The following FGFR2 variants were observed in gnomAD, a reference collection of about 807,000 sequenced individuals.
FGFR2 encodes fibroblast growth factor receptor 2.
A neutral mutation model predicts 95.9 loss-of-function variants in FGFR2; 19 were observed. The ratio of observed to expected loss-of-function variants is 0.20; its 90% CI spans 0.14 to 0.29. The LOEUF (loss-of-function observed/expected upper bound fraction) is 0.29. FGFR2 is among the 10% of genes least tolerant of loss of function. FGFR2 has a pLI of 1.00. For missense variants in FGFR2, 707 were observed against 1,056.9 expected, an observed-to-expected ratio of 0.67 and a Z score of 4.59; for synonymous variants, 392 against 393.3, an observed-to-expected ratio of 1.00 and a Z score of 0.04.
At chr10:121,561,864 T>A (rs1857029953) in intron 4 of FGFR2, among the ~76,000 whole-genome samples, 1 of 152,146 alleles carries the variant, frequency 6.6e-6, no homozygotes, top group Admixed American at 6.5e-5. Context: ...AACAACCTAA[T>A]TAAAAAATGG....
At chr10:121,594,702 T>C (rs1199610062) in intron 1 of FGFR2, among the ~76,000 whole-genome samples, 1 of 152,238 alleles carries the variant, frequency 6.6e-6, no homozygotes, top group Admixed American at 6.5e-5. Flanking sequence ...TCCCTTCCCC[T>C]GTGACTAAAT....
At chr10:121,515,048 G>C in intron 9 of FGFR2, 69 bp downstream of exon 9, 1 of 1,464,390 alleles carries the variant, frequency 6.8e-7, no homozygotes, top group Non-Finnish European at 9.5e-7. Context: ...TCAAAGCAGA[G>C]GACAAGATCC....
intron 5 of FGFR2, among the ~76,000 whole-genome samples, chr10:121,542,004 GGAGA>G (rs1853833971): frequency 6.6e-6 from 1 of 152,218 alleles, no homozygotes; most frequent in Non-Finnish European, 1.5e-5. Flanking sequence ...AAACTGTCAA[GGAGA>G]GAGACATTAA....
At position 121,524,099 on chromosome 10, in the gene FGFR2, T is replaced by TACACACAC. The variant is rs1491543645; in HGVS notation, c.749-3931_749-3930insGTGTGTGT. Among the ~76,000 whole-genome samples the TACACACAC allele has an allele frequency of 5.8e-4, 79 of 137,248 alleles. No individual in the cohort carries two copies. In the Middle Eastern group the frequency reaches 0.011, roughly 19 times the overall value. The allele number at this position is 137,248 out of a possible 152,430, so 90.0% of individuals were successfully genotyped here. The stretch of plus-strand genomic sequence containing the variant: ...TTATTCCAATGCTATCCCGGCTATG[T>TACACACAC]ATACACACACACACACACACACACA... On this transcript the variant is annotated intron_variant, in intron 6 of 17. Transcript: ENST00000358487.
At chr10:121,574,331 C>A (rs951875852) in intron 2 of FGFR2, among the ~76,000 whole-genome samples, 4 of 152,000 alleles carry the variant, frequency 2.6e-5, no homozygotes, top group African/African-American at 9.7e-5. Context: ...GAGTTCGAGA[C>A]CGGCCTGGCC....
At chr10:121,515,738 T>C (rs1412971210) in intron 8 of FGFR2, among the ~76,000 whole-genome samples, 5 of 151,640 alleles carry the variant, frequency 3.3e-5, no homozygotes, top group East Asian at 1.9e-4. Context: ...ACAGTGACAA[T>C]GCTTCAGTCT....
chr10:121,543,604 T>A (rs1211945936), intron 5 of FGFR2, among the ~76,000 whole-genome samples: 3 of 152,214 alleles, frequency 2.0e-5, no homozygotes, highest in Non-Finnish European at 4.4e-5. Flanking sequence ...AAGCCATCCT[T>A]TCTGAAAGCA....
chr10:121,480,429 C>G (rs984118481), intron 17 of FGFR2: 8 of 302,470 alleles, frequency 2.6e-5, no homozygotes, highest in African/African-American at 1.7e-4. Flanking sequence ...CACTAGAGCC[C>G]TTGCTTCAAA....
chr10:121,580,555 A>C (rs918923254), intron 2 of FGFR2, among the ~76,000 whole-genome samples: 3 of 152,126 alleles, frequency 2.0e-5, no homozygotes, highest in Non-Finnish European at 2.9e-5. Context: ...AATGACCTGG[A>C]GGAAAGGTTC....
At chr10:121,488,184 C>A (rs2133842108) in intron 13 of FGFR2, 71 bp from the exon 14 acceptor site, 1 of 1,589,202 alleles carries the variant, frequency 6.3e-7, no homozygotes, top group South Asian at 1.1e-5. Context: ...GAAATATGTT[C>A]ATTTCTTAAA....
intron 11 of FGFR2, 148 bp from the exon 12 acceptor site, chr10:121,498,753 G>A (rs527783757): frequency 4.4e-5 from 33 of 744,988 alleles, no homozygotes; most frequent in East Asian, 2.9e-4. Context: ...TCATTTTATC[G>A]AGGAAGGGAC....
In FGFR2 at chr10:121,485,707, A is replaced by T. The variant is rs541371286; in HGVS notation, c.2058-175T>A. Among the ~76,000 whole-genome samples the T allele has an allele frequency of 4.6e-5, 7 of 152,302 alleles. No individual in the cohort carries two copies. The highest frequency in any genetic ancestry group is 4.1e-4 in the South Asian group (2 of 4,820). On this transcript the variant is annotated intron_variant, in intron 15 of 17. Transcript: ENST00000358487. This position sits in a 1 kb window ranked among gnomAD's most constrained non-coding sequence, Gnocchi z 4.2. ...CCTGCAAGAGCATCCCCGAATGATGATGACACGGGGATGTGCTGATGGAAT... is the reference window on the plus strand; with the variant it reads ...CCTGCAAGAGCATCCCCGAATGATGTTGACACGGGGATGTGCTGATGGAAT...
intron 6 of FGFR2, among the ~76,000 whole-genome samples, chr10:121,530,784 A>ATTATT (rs1331984406): frequency 1.3e-5 from 2 of 152,300 alleles, no homozygotes; most frequent in African/African-American, 2.4e-5. Context: ...CTGTTTTTTG[A>ATTATT]TTATTTCAAT....
rs1847188161 is a variant in FGFR2 at position 121,498,589 on chromosome 10, T to C, written c.1578A>G (p.Lys526=). Residue 526 remains lysine (K), a synonymous_variant, in exon 12 of 18, where the codon AAA becomes AAG. Transcript: ENST00000358487. The part of the protein sequence containing the change: ...VKMLKDDATE[K]DLSDLVSEME... ...TCTCTGACACCAGATCAGAAAGGTC[T>C]TTCTCTGTGGCATCATCTATGAACA... The C allele has an allele frequency of 6.2e-7, 1 of 1,614,012 alleles. No individual in the cohort carries two copies. Among genetic ancestry groups the C allele is most frequent in the African/African-American group, 1.3e-5 (1 of 74,942 alleles).
intron 4 of FGFR2, among the ~76,000 whole-genome samples, chr10:121,561,845 AAG>A (rs1857026049): frequency 1.3e-5 from 2 of 152,264 alleles, no homozygotes; most frequent in Non-Finnish European, 2.9e-5. Context: ...ACTCGACAGT[AAG>A]AAAACAAACA....
At chr10:121,497,276 C>A (rs1344403421) in intron 12 of FGFR2, among the ~76,000 whole-genome samples, 1 of 152,146 alleles carries the variant, frequency 6.6e-6, no homozygotes, top group Non-Finnish European at 1.5e-5. Flanking sequence ...ACACAGTTGA[C>A]GTGCTCTTCC....
chr10:121,487,957 G>T, intron 14 of FGFR2, 34 bp downstream of exon 14: 1 of 1,613,022 alleles, frequency 6.2e-7, no homozygotes, highest in Non-Finnish European at 8.5e-7. Flanking sequence ...CCTCACCCCC[G>T]CCCCTGCCCA....
chr10:121,513,059 G>A (rs1006567361), intron 9 of FGFR2, among the ~76,000 whole-genome samples: 2 of 152,066 alleles, frequency 1.3e-5, no homozygotes, highest in Non-Finnish European at 2.9e-5. Flanking sequence ...TAGTAGAGAC[G>A]AGGTTTCAAC....
intron 2 of FGFR2, among the ~76,000 whole-genome samples, chr10:121,578,275 ATCCCTCTC>A (rs1860254619): frequency 6.6e-6 from 1 of 152,072 alleles, no homozygotes; most frequent in Non-Finnish European, 1.5e-5. Context: ...CAAGCCCCAC[ATCCCTCTC>A]TCTGACACTC....
Sources: allele counts gnomAD v4.1 joint callset (sites outside exome capture counted in the v4.1 genomes callset), GRCh38; gene constraint gnomAD v4.1.1; non-coding constraint Gnocchi (gnomAD v3.1); transcripts MANE v1.5; gene names NCBI Gene and HGNC (gene_info 2026-07-23, HGNC 2026-07-21).